The following RBFOX1 variants were observed in gnomAD, a reference collection of about 807,000 sequenced individuals.
RBFOX1 encodes the protein RNA binding protein fox-1 homolog 1.
Under a neutral mutation model 57.7 loss-of-function variants are expected in RBFOX1, and 8 were observed. The observed-to-expected ratio is 0.14, with a 90% CI of 0.08 to 0.25. RBFOX1 has a LOEUF of 0.25. Among genes scored for constraint, RBFOX1 ranks in the 10% least tolerant of loss-of-function variants. The probability of loss-of-function intolerance (pLI) is 1.00; values close to 1 mark genes in which losing one functional copy is unlikely to be tolerated. For missense variants in RBFOX1, 611 were observed against 548.5 expected, an observed-to-expected ratio of 1.11 and a Z score of -1.14; for synonymous variants, 326 against 222.4, an observed-to-expected ratio of 1.47 and a Z score of -4.15.
At chr16:6,598,838 C>T (rs959639917) in intron 2 of RBFOX1, among the ~76,000 whole-genome samples, 6 of 143,592 alleles carry the variant, frequency 4.2e-5, no homozygotes, top group South Asian at 2.1e-4. Flanking sequence ...CCCAGCTACT[C>T]GGGAGGCTGA....
At chr16:6,717,783 C>G (rs9929600) in intron 3 of RBFOX1, among the ~76,000 whole-genome samples, 3 of 152,070 alleles carry the variant, frequency 2.0e-5, no homozygotes, top group Admixed American at 2.0e-4. Flanking sequence ...CAATTCTCAA[C>G]ATGGACCCAG....
chr16:5,867,223 C>T, intron 3 of RBFOX1: 1 of 963,968 alleles, frequency 1.0e-6, no homozygotes, highest in South Asian at 5.3e-5. Context: ...ATTATTGATG[C>T]CAGTTCCTTT....
At chr16:6,277,327 G>C (rs1451842850) in intron 1 of RBFOX1, among the ~76,000 whole-genome samples, 2 of 151,392 alleles carry the variant, frequency 1.3e-5, no homozygotes, top group Non-Finnish European at 2.9e-5. Context: ...CAGGTGTGAT[G>C]GTGTGGTTCT....
At chr16:7,610,032 G>A (rs997393328) in intron 10 of RBFOX1, among the ~76,000 whole-genome samples, 5 of 150,302 alleles carry the variant, frequency 3.3e-5, no homozygotes, top group African/African-American at 1.2e-4. Flanking sequence ...TAGCCAGGAT[G>A]GTCTCCATCT....
At chr16:6,732,337 G>T (rs577755658) in intron 3 of RBFOX1, among the ~76,000 whole-genome samples, 2 of 152,298 alleles carry the variant, frequency 1.3e-5, no homozygotes, top group Admixed American at 1.3e-4. Flanking sequence ...AGATTCTCAC[G>T]AGAGAGTGAG....
intron 3 of RBFOX1, among the ~76,000 whole-genome samples, chr16:5,782,336 T>G (rs67771676): frequency 6.6e-6 from 1 of 152,078 alleles, no homozygotes; most frequent in Non-Finnish European, 1.5e-5. Flanking sequence ...CCAAGAATGT[T>G]GTGTCCTCCT....
chr16:6,877,934 C>T (rs2153310278), intron 3 of RBFOX1, among the ~76,000 whole-genome samples: 2 of 152,170 alleles, frequency 1.3e-5, no homozygotes, highest in South Asian at 4.1e-4. Flanking sequence ...AAAACATACA[C>T]AGAGTCTTGG....
intron 2 of RBFOX1, among the ~76,000 whole-genome samples, chr16:6,554,635 G>A (rs2097059208): frequency 1.3e-5 from 2 of 152,098 alleles, no homozygotes; most frequent in Admixed American, 1.3e-4. Context: ...GAATGGGCTT[G>A]CTTGTACTCT....
intron 2 of RBFOX1, among the ~76,000 whole-genome samples, chr16:5,508,415 C>T (rs995300934): frequency 1.3e-5 from 2 of 152,216 alleles, no homozygotes; most frequent in Non-Finnish European, 2.9e-5. Flanking sequence ...GACAGAGTCT[C>T]CTAGCAAGGT....
chr16:6,723,574 A>G (rs975960254), intron 3 of RBFOX1, among the ~76,000 whole-genome samples: 8 of 152,196 alleles, frequency 5.3e-5, no homozygotes, highest in Non-Finnish European at 7.3e-5. Flanking sequence ...ACTTTGGAGA[A>G]GTGGATGGCA....
intron 4 of RBFOX1, among the ~76,000 whole-genome samples, chr16:5,930,444 G>A (rs1162539406): frequency 4.4e-5 from 3 of 68,440 alleles, no homozygotes; most frequent in African/African-American, 1.9e-4. Flanking sequence ...ATGGATGGAA[G>A]CATGGTTGGG....
intron 2 of RBFOX1, among the ~76,000 whole-genome samples, chr16:6,637,380 CAAATATATATTATATATT>C (rs1397412674): frequency 8.5e-4 from 5 of 5,890 alleles, no homozygotes; most frequent in African/African-American, 1.4e-3. Context: ...ATATAATATA[CAAATATATATTATATATT>C]AAATATATAT....
intron 2 of RBFOX1, among the ~76,000 whole-genome samples, chr16:6,608,407 T>C (rs1246603754): frequency 1.3e-5 from 2 of 152,298 alleles, no homozygotes; most frequent in South Asian, 4.1e-4. Flanking sequence ...ACATTAGTTT[T>C]ACCATCTGCA....
intron 1 of RBFOX1, among the ~76,000 whole-genome samples, chr16:6,280,645 A>G (rs2076276905): frequency 6.6e-6 from 1 of 152,292 alleles, no homozygotes; most frequent in Admixed American, 6.5e-5. Flanking sequence ...ACGAGCCAGA[A>G]TATAGCCAGA....
At chr16:5,868,898 G>T (rs2057401935) in intron 4 of RBFOX1, among the ~76,000 whole-genome samples, 1 of 152,198 alleles carries the variant, frequency 6.6e-6, no homozygotes, top group Non-Finnish European at 1.5e-5. Context: ...GGGAATACCA[G>T]TTTCTGTGTA....
In RBFOX1 at chr16:5,559,280, G is replaced by T. The variant is rs574253457; in HGVS notation, c.259-39622G>T. Among the ~76,000 whole-genome samples, 105 of 151,760 alleles carry T rather than the reference G, an allele frequency of 6.9e-4. 1 individual carries two copies. The highest frequency in any genetic ancestry group is 2.4e-3 in the African/African-American group (101 of 41,362). ...TCTGGTTCTTGGTTTGTTTAAGCAT[G>T]GTTTGTATATTTTTTGATTTATAAA... On this transcript the variant is annotated intron_variant, in intron 2 of 2. Coordinates refer to the RBFOX1 transcript ENST00000585867.
At chr16:6,909,187 A>T (rs2070888190) in intron 3 of RBFOX1, among the ~76,000 whole-genome samples, 1 of 152,096 alleles carries the variant, frequency 6.6e-6, no homozygotes, top group Admixed American at 6.6e-5. Context: ...TCTTTGGGAG[A>T]ATGTAGTTTC....
chr16:6,964,842 C>G (rs866394493), intron 3 of RBFOX1, among the ~76,000 whole-genome samples: 3 of 152,118 alleles, frequency 2.0e-5, no homozygotes, highest in Non-Finnish European at 4.4e-5. Context: ...GTTGAAATCC[C>G]TGCTCCCAGC....
intron 1 of RBFOX1, among the ~76,000 whole-genome samples, chr16:6,308,957 C>G (rs1033043646): frequency 1.3e-5 from 2 of 152,158 alleles, no homozygotes; most frequent in Non-Finnish European, 1.5e-5. Flanking sequence ...AGAGGGACGT[C>G]TCTCTGCTTC....
Sources: allele counts gnomAD v4.1 joint callset (sites outside exome capture counted in the v4.1 genomes callset), GRCh38; gene constraint gnomAD v4.1.1; transcripts MANE v1.5; gene names NCBI Gene and HGNC (gene_info 2026-07-23, HGNC 2026-07-21).